RC3H2: variants seen among roughly 807,000 people sequenced by gnomAD.
RC3H2 encodes ring finger and CCCH-type domains 2.
In RC3H2, 31 loss-of-function variants were observed where a neutral mutation model predicts 133.3. The observed-to-expected ratio is 0.23, with a 90% CI of 0.17 to 0.31. The LOEUF (loss-of-function observed/expected upper bound fraction) is 0.31. Ranked by LOEUF, RC3H2 falls within the 10% of genes least tolerant of loss-of-function variation. The probability of loss-of-function intolerance (pLI) is 1.00; values close to 1 mark genes in which losing one functional copy is unlikely to be tolerated. For synonymous variants in RC3H2, 517 were observed against 502.2 expected, an observed-to-expected ratio of 1.03 and a Z score of -0.40; for missense variants, 1,175 against 1,437.2, an observed-to-expected ratio of 0.82 and a Z score of 2.95.
Position 122,855,396 on chromosome 9 carries a change from TC to T in RC3H2, c.2602del (p.Asp868ThrfsTer26). 1 of 1,612,318 alleles carries T rather than the reference TC, an allele frequency of 6.2e-7. No individual in the cohort carries two copies. ...VIANSNAVLM[D>X]LDSGDVKRRV... ...TCTCTTAACATCACCACTGTCCAGGTCCTATGTAAACCAAAGAAAATCAATA... is the reference window on the plus strand; with the variant it reads ...TCTCTTAACATCACCACTGTCCAGGTCTATGTAAACCAAAGAAAATCAATA... On this transcript the variant is annotated frameshift_variant and splice_region_variant, in exon 15 of 21. Coordinates refer to ENST00000357244, the MANE Select transcript of RC3H2 (RefSeq NM_001100588.3). LOFTEE classifies it high-confidence loss of function.
intron 3 of RC3H2, among the ~76,000 whole-genome samples, chr9:122,891,976 T>G (rs1369658876): frequency 1.3e-5 from 2 of 152,214 alleles, no homozygotes; most frequent in South Asian, 2.1e-4. Context: ...TCAATAAAAT[T>G]TAATGAATGA....
chr9:122,897,939 T>C (rs1439490901), intron 1 of RC3H2: 2 of 158,722 alleles, frequency 1.3e-5, no homozygotes, highest in Non-Finnish European at 2.8e-5. Flanking sequence ...TTTTTTGTTT[T>C]GTTGTTTAAA....
chr9:122,885,930 C>G (rs754484730), intron 4 of RC3H2, among the ~76,000 whole-genome samples: 1 of 152,192 alleles, frequency 6.6e-6, no homozygotes, highest in Non-Finnish European at 1.5e-5. Flanking sequence ...CTCTGTCACC[C>G]AGGCTGGAGT....
intron 18 of RC3H2, among the ~76,000 whole-genome samples, chr9:122,852,772 C>T (rs1161042167): frequency 6.6e-6 from 1 of 150,798 alleles, no homozygotes; most frequent in Non-Finnish European, 1.5e-5. Flanking sequence ...GGGTCAGCCC[C>T]CCGCCTGGCC....
chr9:122,849,441 C>CT lies in RC3H2; in HGVS notation c.*185dup, dbSNP rs1427602533. On this transcript the variant is annotated 3_prime_UTR_variant, in exon 21 of 21. Transcript: ENST00000357244. ...ATGTTACCCTAGTAAAGTAAATTTTCTTTTTTTTTTTCATAATGCTAATGC... is the reference window on the plus strand; with the variant it reads ...ATGTTACCCTAGTAAAGTAAATTTTCTTTTTTTTTTTTCATAATGCTAATGC... 0.018 allele frequency: 3,073 copies of CT among 170,118 alleles called. 11 individuals are homozygous for CT. Among genetic ancestry groups the CT allele is most frequent in the Middle Eastern group, 0.034 (14 of 408 alleles). The allele number at this position is 170,118 out of a possible 1,614,324, so 10.5% of individuals were successfully genotyped here. A position where few individuals can be genotyped will look rare whatever the true frequency, so the allele number is the denominator to read the frequency against.
chr9:122,849,999 CAG>C (rs1032617288), intron 20 of RC3H2, among the ~76,000 whole-genome samples, 177 bp from the exon 21 acceptor site: 3 of 152,120 alleles, frequency 2.0e-5, no homozygotes, highest in Non-Finnish European at 2.9e-5. Flanking sequence ...ATTTTTGAGA[CAG>C]AGTCTCCCTC....
At chr9:122,903,403 C>A (rs1228869707) in intron 1 of RC3H2, among the ~76,000 whole-genome samples, 1 of 152,154 alleles carries the variant, frequency 6.6e-6, no homozygotes, top group Non-Finnish European at 1.5e-5. Context: ...AGAAGTTCAA[C>A]TTTTGAATAT....
chr9:122,868,359 A>T (rs1272030513), intron 9 of RC3H2, among the ~76,000 whole-genome samples: 6 of 152,148 alleles, frequency 3.9e-5, no homozygotes, highest in South Asian at 2.1e-4. Context: ...GTGTGGAAAG[A>T]AGTAGACATG....
rs943365408 is a variant in RC3H2 at position 122,858,185 on chromosome 9, G to A, written c.2284-92C>T. 51 of 1,209,130 alleles carry A rather than the reference G, an allele frequency of 4.2e-5. No individual in the cohort carries two copies. The Middle Eastern group carries it at 1.0e-3, about 24-fold the overall frequency. 74.9% of individuals were successfully genotyped at this position (1,209,130 alleles called of 1,614,324 possible). ...AATGATGTAAACAGTTTATGATATT[G>A]TTGGGATAAAAAAATACAGCAGGGA... On this transcript the variant is annotated intron_variant, in intron 12 of 20. Transcript: ENST00000357244.
At chr9:122,856,257 CT>C (rs1361229285) in intron 13 of RC3H2, among the ~76,000 whole-genome samples, 2 of 152,024 alleles carry the variant, frequency 1.3e-5, no homozygotes, top group African/African-American at 2.4e-5. Context: ...TTATAATTTT[CT>C]TTTTTCTTTT....
chr9:122,855,302 T>A lies in RC3H2; in HGVS notation c.2697A>T (p.Gly899=). Residue 899 remains glycine (G), a synonymous_variant, in exon 15 of 21, where the codon GGA becomes GGT. Transcript: ENST00000357244. The part of the protein sequence containing the change: ...EEDPIIPFSD[G]PIISKWGAIS... ...TCGCACCCCATTTTGAGATGATGGG[T>A]CCATCACTAAAGGGAATTATTGGAT... 4 of 1,613,868 alleles carry A rather than the reference T, an allele frequency of 2.5e-6. No homozygotes were observed. Among genetic ancestry groups the A allele is most frequent in the East Asian group, 2.2e-5 (1 of 44,884 alleles).
intron 4 of RC3H2, among the ~76,000 whole-genome samples, chr9:122,885,755 T>G (rs942057939): frequency 6.6e-6 from 1 of 152,194 alleles, no homozygotes. Context: ...ATTTAAGACA[T>G]TTTCATCACC....
At chr9:122,873,838 G>C (rs1281795384) in intron 9 of RC3H2, 2 of 151,660 alleles carry the variant, frequency 1.3e-5, no homozygotes, top group African/African-American at 4.8e-5. Context: ...ATTTTTTTGA[G>C]ACGGAATCTT....
intron 4 of RC3H2, among the ~76,000 whole-genome samples, chr9:122,888,949 A>G (rs959737154): frequency 6.6e-6 from 1 of 152,198 alleles, no homozygotes; most frequent in Admixed American, 6.5e-5. Flanking sequence ...CTACTGGATG[A>G]GAGTACCTCA....
intron 1 of RC3H2, among the ~76,000 whole-genome samples, chr9:122,899,847 C>T (rs1484725024): frequency 6.6e-6 from 1 of 152,156 alleles, no homozygotes; most frequent in Non-Finnish European, 1.5e-5. Context: ...TTCATAATGG[C>T]CACCTGTTTG....
intron 6 of RC3H2, 138 bp from the exon 7 acceptor site, chr9:122,880,263 A>C: frequency 9.8e-7 from 1 of 1,020,346 alleles, no homozygotes; most frequent in Non-Finnish European, 1.5e-6. Context: ...GTGATGAATT[A>C]AATTTTCACC....
intron 20 of RC3H2, 51 bp downstream of exon 20, chr9:122,851,030 C>T: frequency 1.3e-6 from 2 of 1,587,716 alleles, no homozygotes; most frequent in Admixed American, 3.6e-5. Flanking sequence ...ATTTTTTTCT[C>T]TTTATTATGT....
chr9:122,905,001 G>A (rs1832787240), intron 1 of RC3H2, 109 bp downstream of exon 1: 2 of 792,896 alleles, frequency 2.5e-6, no homozygotes, highest in Non-Finnish European at 3.1e-6. Context: ...CGAGGCACCA[G>A]GGGCGACAGC....
intron 9 of RC3H2, among the ~76,000 whole-genome samples, chr9:122,867,906 CCCCG>C (rs1452270456): frequency 3.0e-4 from 10 of 32,798 alleles, no homozygotes; most frequent in African/African-American, 4.0e-4. Context: ...GGGGTCAGCC[CCCCG>C]CCCAGCCAGC....
Sources: allele counts gnomAD v4.1 joint callset (sites outside exome capture counted in the v4.1 genomes callset), GRCh38; gene constraint gnomAD v4.1.1; transcripts MANE v1.5; gene names NCBI Gene and HGNC (gene_info 2026-07-23, HGNC 2026-07-21).